Variants in TRHDE observed in about 807,000 individuals in gnomAD.
TRHDE encodes the protein thyrotropin-releasing hormone-degrading ectoenzyme.
A neutral mutation model predicts 125.7 loss-of-function variants in TRHDE; 72 were observed. The observed-to-expected ratio is 0.57, with a 90% CI of 0.47 to 0.70. The LOEUF (loss-of-function observed/expected upper bound fraction) is 0.70. Among genes scored for constraint, TRHDE ranks in the 30% least tolerant of loss-of-function variants. The pLI, the probability that TRHDE is intolerant of heterozygous loss-of-function variation, is 0.00. For synonymous variants in TRHDE, 509 were observed against 509.1 expected (o/e 1.00, Z 0.00); for missense variants, 1,110 against 1,327.1 (o/e 0.84, Z 2.54).
intron 13 of TRHDE, among the ~76,000 whole-genome samples, chr12:72,620,858 T>G (rs1873024488): frequency 6.6e-6 from 1 of 152,132 alleles, no homozygotes; most frequent in African/African-American, 2.4e-5. Context: ...TATTTACTCA[T>G]GCAAATTACT....
At chr12:72,452,241 T>C (rs1427595264) in intron 3 of TRHDE, among the ~76,000 whole-genome samples, 1 of 152,170 alleles carries the variant, frequency 6.6e-6, no homozygotes, top group African/African-American at 2.4e-5. Context: ...ATTCTTTTGA[T>C]AGTTTCTTGT....
At chr12:72,461,241 T>A (rs1021723338) in intron 3 of TRHDE, among the ~76,000 whole-genome samples, 1 of 152,094 alleles carries the variant, frequency 6.6e-6, no homozygotes, top group East Asian at 1.9e-4. Flanking sequence ...AGGAGAAAAA[T>A]GTATTCTGCT....
intron 2 of TRHDE, among the ~76,000 whole-genome samples, chr12:72,358,513 C>T (rs1442556552): frequency 1.3e-5 from 2 of 151,392 alleles, no homozygotes; most frequent in Non-Finnish European, 3.0e-5. Context: ...GTGAGGTGGT[C>T]GACAGTAGGC....
chr12:72,304,388 A>G (rs1281859187), intron 2 of TRHDE, among the ~76,000 whole-genome samples: 1 of 152,176 alleles, frequency 6.6e-6, no homozygotes, highest in Non-Finnish European at 1.5e-5. Context: ...TTATTTAGTA[A>G]ATTTGGCAAC....
At chr12:72,114,552 T>C (rs1875397087) in intron 2 of TRHDE, among the ~76,000 whole-genome samples, 1 of 152,184 alleles carries the variant, frequency 6.6e-6, no homozygotes, top group South Asian at 2.1e-4. Context: ...CACCTTTATA[T>C]TGTCTTCGCA....
chr12:72,245,902 A>C (rs1220378355), intron 2 of TRHDE, among the ~76,000 whole-genome samples: 1 of 152,118 alleles, frequency 6.6e-6, no homozygotes, highest in Non-Finnish European at 1.5e-5. Flanking sequence ...TTTTTTATAC[A>C]ACTGGGAGTA....
intron 2 of TRHDE, among the ~76,000 whole-genome samples, chr12:72,218,215 A>G (rs188180905): frequency 1.3e-5 from 2 of 152,302 alleles, no homozygotes; most frequent in East Asian, 3.9e-4. Context: ...AAGGGAAAAT[A>G]ATAGAAAATG....
At chr12:72,512,439 G>A (rs1038959502) in intron 6 of TRHDE, among the ~76,000 whole-genome samples, 59 of 54,040 alleles carry the variant, frequency 1.1e-3, no homozygotes, top group African/African-American at 4.5e-3. Flanking sequence ...TATATAATAT[G>A]TTATAATTAT....
At chr12:72,630,472 G>C (rs1170567475) in intron 15 of TRHDE, among the ~76,000 whole-genome samples, 1 of 151,692 alleles carries the variant, frequency 6.6e-6, no homozygotes, top group Non-Finnish European at 1.5e-5. Flanking sequence ...TCTGCTCTCA[G>C]ACCAGCGAGA....
intron 3 of TRHDE, among the ~76,000 whole-genome samples, chr12:72,396,153 CA>C (rs558269179): frequency 6.6e-6 from 1 of 152,112 alleles, no homozygotes; most frequent in Non-Finnish European, 1.5e-5. Flanking sequence ...CCCACTCTTC[CA>C]ACTAAATTAT....
intron 12 of TRHDE, among the ~76,000 whole-genome samples, chr12:72,587,551 C>T (rs11832310): frequency 0.27 from 40,322 of 151,800 alleles, 8,146 homozygotes; most frequent in African/African-American, 0.54. Context: ...ACACTTCATG[C>T]TATGGTGAAA....
chr12:72,292,326 C>T (rs1189686153), intron 2 of TRHDE, among the ~76,000 whole-genome samples: 1 of 152,194 alleles, frequency 6.6e-6, no homozygotes, highest in East Asian at 1.9e-4. Flanking sequence ...CTATGAGAAT[C>T]ATCTGTTATC....
At chr12:72,547,586 G>A (rs1869481111) in intron 7 of TRHDE, among the ~76,000 whole-genome samples, 1 of 151,726 alleles carries the variant, frequency 6.6e-6, no homozygotes. Context: ...CACAACTGTA[G>A]GATCCTCATT....
chr12:72,343,186 C>T (rs1870160753), intron 2 of TRHDE, among the ~76,000 whole-genome samples: 2 of 152,050 alleles, frequency 1.3e-5, no homozygotes, highest in Admixed American at 1.3e-4. Flanking sequence ...GAGAAAGTCA[C>T]TTCTCAATAT....
intron 3 of TRHDE, among the ~76,000 whole-genome samples, chr12:72,451,744 A>G (rs757308447): frequency 2.0e-5 from 3 of 152,186 alleles, no homozygotes; most frequent in Non-Finnish European, 4.4e-5. Context: ...CAATATTTTA[A>G]CAATATTAAT....
At chr12:72,120,674 C>CTTT (rs36076979) in intron 2 of TRHDE, among the ~76,000 whole-genome samples, 63 of 118,724 alleles carry the variant, frequency 5.3e-4, no homozygotes, top group Non-Finnish European at 6.3e-4. Flanking sequence ...TACTCTTTAA[C>CTTT]TTTTTTTTTT....
chr12:72,131,233 G>A (rs920563360), intron 2 of TRHDE, among the ~76,000 whole-genome samples: 2 of 151,508 alleles, frequency 1.3e-5, no homozygotes. Context: ...CACCACGCCC[G>A]GCTAATTTTT....
intron 5 of TRHDE, among the ~76,000 whole-genome samples, chr12:72,480,864 GTCTTC>G (rs2135912831): frequency 6.6e-6 from 1 of 152,148 alleles, no homozygotes; most frequent in Non-Finnish European, 1.5e-5. Context: ...ATGACAAAAT[GTCTTC>G]TTAGATATTA....
chr12:72,424,302 C>A (rs1673850248), intron 3 of TRHDE, among the ~76,000 whole-genome samples: 1 of 152,088 alleles, frequency 6.6e-6, no homozygotes, highest in South Asian at 2.1e-4. Context: ...GTGTCTCTGT[C>A]TTTCATGCTG....
Sources: allele counts gnomAD v4.1 joint callset (sites outside exome capture counted in the v4.1 genomes callset), GRCh38; gene constraint gnomAD v4.1.1; transcripts MANE v1.5; gene names NCBI Gene and HGNC (gene_info 2026-07-23, HGNC 2026-07-21).